Variants in KLHDC4 observed in about 807,000 individuals in gnomAD.
KLHDC4 encodes the protein kelch domain containing 4.
In KLHDC4, 90 loss-of-function variants were observed where a neutral mutation model predicts 62.4. The observed-to-expected ratio is 1.44, with a 90% CI of 1.22 to 1.72. The LOEUF (loss-of-function observed/expected upper bound fraction) is 1.72. Among genes scored for constraint, KLHDC4 ranks in the 40% most tolerant of loss-of-function variants. The pLI is 0.00. For synonymous variants in KLHDC4, 386 were observed against 284.4 expected (o/e 1.36, Z -3.59); for missense variants, 1,025 against 699.7 (o/e 1.47, Z -5.25).
chr16:87,757,509 A>G (rs901530446), intron 2 of KLHDC4: 1 of 151,944 alleles, frequency 6.6e-6, no homozygotes, highest in Non-Finnish European at 1.5e-5. Flanking sequence ...TTCAATATAC[A>G]TGCCAGATAT....
chr16:87,698,261 CT>C (rs2033984875), exon 1 of KLHDC4: 2 of 152,294 alleles, frequency 1.3e-5, no homozygotes, highest in Non-Finnish European at 2.9e-5. Context: ...TCATACATTT[CT>C]GATAATGTCG....
intron 5 of KLHDC4, among the ~76,000 whole-genome samples, chr16:87,748,030 G>A (rs1223742538): frequency 3.9e-5 from 6 of 152,220 alleles, no homozygotes; most frequent in Non-Finnish European, 5.9e-5. Context: ...CTCTACTTCA[G>A]TCTGTCATTC....
Position 87,730,630 on chromosome 16 carries a change from G to C in KLHDC4, c.521C>G (p.Pro174Arg), listed in dbSNP as rs911693200. 6 of 1,612,498 alleles carry C rather than the reference G, an allele frequency of 3.7e-6. No individual in the cohort carries two copies. Among genetic ancestry groups the C allele is most frequent in the Non-Finnish European group, 5.1e-6 (6 of 1,179,692 alleles). ...TWEQVKSTGG[P>R]SGRSGHRMVA... The stretch of plus-strand genomic sequence containing the variant: ...CATCCGATGTCCACTCCGACCCGAA[G>C]GACCGCCTGTTGATCTAAAATGAAA... Residue 174 changes from proline to arginine, a missense_variant, in exon 6 of 12, where the codon CCT becomes CGT. Transcript: ENST00000270583.
At chr16:87,758,474 T>TA (rs1358515847) in intron 2 of KLHDC4, among the ~76,000 whole-genome samples, 1 of 152,166 alleles carries the variant, frequency 6.6e-6, no homozygotes, top group Non-Finnish European at 1.5e-5. Context: ...TGACTCCACT[T>TA]ACGCAAAATA....
chr16:87,707,741 T>G (rs576358413), downstream of KLHDC4: 50 of 306,124 alleles, frequency 1.6e-4, no homozygotes, highest in South Asian at 1.4e-3. Flanking sequence ...GGCCCAGCCC[T>G]GGCCCGGGGC....
chr16:87,759,805 TATTG>T (rs1328347386), intron 2 of KLHDC4, among the ~76,000 whole-genome samples: 2 of 152,154 alleles, frequency 1.3e-5, no homozygotes, highest in African/African-American at 2.4e-5. Context: ...ACTGAATACC[TATTG>T]ATTTTCTGCA....
chr16:87,738,603 CCA>C (rs916180461), intron 5 of KLHDC4, among the ~76,000 whole-genome samples: 3 of 130,516 alleles, frequency 2.3e-5, no homozygotes, highest in African/African-American at 8.2e-5. Context: ...CCTCATCCAT[CCA>C]CACAGCACCT....
chr16:87,711,975 C>T (rs1185624467), intron 8 of KLHDC4, among the ~76,000 whole-genome samples: 1 of 149,992 alleles, frequency 6.7e-6, no homozygotes, highest in East Asian at 2.0e-4. Flanking sequence ...GACCCTTCGC[C>T]CAGGGGGCTG....
chr16:87,743,001 C>G (rs1289598023), intron 5 of KLHDC4: 2 of 152,464 alleles, frequency 1.3e-5, no homozygotes, highest in African/African-American at 4.8e-5. Context: ...GCACAGGCAT[C>G]ACGCCAAGAG....
chr16:87,732,316 G>A (rs79342049), intron 5 of KLHDC4, among the ~76,000 whole-genome samples: 7 of 151,920 alleles, frequency 4.6e-5, no homozygotes, highest in Non-Finnish European at 5.9e-5. Flanking sequence ...GGCTGGTCTC[G>A]AACTCCTGAC....
intron 7 of KLHDC4, among the ~76,000 whole-genome samples, chr16:87,719,064 G>C (rs1046944936): frequency 6.7e-6 from 1 of 150,224 alleles, no homozygotes; most frequent in African/African-American, 2.5e-5. Flanking sequence ...GGCAGCCCCC[G>C]CCCGGCCAGC....
intron 8 of KLHDC4, among the ~76,000 whole-genome samples, chr16:87,714,187 A>T (rs1017568276): frequency 2.0e-5 from 3 of 152,158 alleles, no homozygotes; most frequent in Non-Finnish European, 2.9e-5. Flanking sequence ...AGACCCTTGG[A>T]GGGGCCCATC....
intron 5 of KLHDC4, among the ~76,000 whole-genome samples, chr16:87,731,190 A>G (rs1229273879): frequency 6.7e-6 from 1 of 149,706 alleles, no homozygotes; most frequent in African/African-American, 2.5e-5. Flanking sequence ...CAGCCTCCTG[A>G]GTAGCTGGAA....
chr16:87,757,190 C>A (rs2045092516), intron 2 of KLHDC4, among the ~76,000 whole-genome samples: 1 of 151,890 alleles, frequency 6.6e-6, no homozygotes, highest in South Asian at 2.1e-4. Context: ...AGTAACTAGG[C>A]CAGGAGCAGT....
upstream of KLHDC4, chr16:87,702,615 C>T (rs975058927): frequency 4.1e-6 from 1 of 243,794 alleles, no homozygotes; most frequent in African/African-American, 2.2e-5. Flanking sequence ...TCCACAGAAA[C>T]CCTGTCCCCA....
chr16:87,704,421 GAACGTCAC>G (rs1410084404), downstream of KLHDC4, among the ~76,000 whole-genome samples: 5 of 106,768 alleles, frequency 4.7e-5, no homozygotes, highest in East Asian at 2.9e-4. Flanking sequence ...GGAGGGTCCT[GAACGTCAC>G]GGGGAAGGAG....
intron 7 of KLHDC4, among the ~76,000 whole-genome samples, chr16:87,720,123 G>A (rs1383023765): frequency 6.7e-6 from 1 of 148,170 alleles, no homozygotes. Context: ...ATCAGGAGAG[G>A]AGAAGACACA....
chr16:87,708,623 A>G (rs1458525551), intron 10 of KLHDC4, 157 bp from the exon 11 acceptor site: 2 of 453,604 alleles, frequency 4.4e-6, no homozygotes, highest in Admixed American at 7.7e-5. Context: ...TCAGATCCAC[A>G]AAGGAAACAG....
chr16:87,747,808 T>G (rs1567792271), intron 5 of KLHDC4: 1 of 152,282 alleles, frequency 6.6e-6, no homozygotes, highest in Non-Finnish European at 1.5e-5. Context: ...CGGAACTGGC[T>G]CATTGTGACA....
Sources: gnomAD v4.1 joint callset for allele counts (sites outside exome capture counted in the v4.1 genomes callset) on GRCh38, gnomAD v4.1.1 for gene constraint, MANE v1.5 for transcripts, NCBI Gene and HGNC (gene_info 2026-07-23, HGNC 2026-07-21) for gene names.